The following MARCHF1 variants were observed in gnomAD, a reference collection of about 807,000 sequenced individuals.
MARCHF1 encodes E3 ubiquitin-protein ligase MARCHF1.
In MARCHF1, 40 loss-of-function variants were observed where a neutral mutation model predicts 54.2. The observed-to-expected ratio is 0.74, with a 90% CI of 0.57 to 0.96. The LOEUF (loss-of-function observed/expected upper bound fraction) is 0.96, where lower values mean the gene tolerates loss of function less well. MARCHF1 is among the 40% of genes least tolerant of loss of function. MARCHF1 has a pLI of 0.00. For synonymous variants in MARCHF1, 236 were observed against 236.3 expected, an observed-to-expected ratio of 1.00 and a Z score of 0.01; for missense variants, 586 against 656.5, an observed-to-expected ratio of 0.89 and a Z score of 1.17.
intron 3 of MARCHF1, among the ~76,000 whole-genome samples, chr4:163,928,726 T>G (rs1256427295): frequency 6.6e-6 from 1 of 152,010 alleles, no homozygotes; most frequent in Non-Finnish European, 1.5e-5. Flanking sequence ...AAAAAGTAAT[T>G]TGTAAAGTAA....
At chr4:163,954,925 T>G (rs1752201744) in intron 3 of MARCHF1, among the ~76,000 whole-genome samples, 1 of 152,082 alleles carries the variant, frequency 6.6e-6, no homozygotes, top group Non-Finnish European at 1.5e-5. Flanking sequence ...AACTATAGAC[T>G]GTTTGAAATT....
intron 3 of MARCHF1, among the ~76,000 whole-genome samples, chr4:163,941,835 T>C (rs891634682): frequency 3.9e-5 from 6 of 152,172 alleles, no homozygotes; most frequent in Admixed American, 2.0e-4. Flanking sequence ...GCTATAAAAA[T>C]GTTTTAAAAT....
chr4:164,282,421 C>G (rs146866181), intron 1 of MARCHF1, among the ~76,000 whole-genome samples: 45 of 151,048 alleles, frequency 3.0e-4, no homozygotes, highest in Non-Finnish European at 6.0e-4. Flanking sequence ...CTGGCATGAT[C>G]AAACCAGCAA....
At chr4:164,229,060 T>C (rs753176171) in intron 1 of MARCHF1, among the ~76,000 whole-genome samples, 8 of 152,176 alleles carry the variant, frequency 5.3e-5, no homozygotes, top group Non-Finnish European at 1.2e-4. Flanking sequence ...GACTTTGTGC[T>C]CAAAAAGAAG....
Position 163,819,526 on chromosome 4 carries a change from T to C in MARCHF1, c.111+34495A>G, listed in dbSNP as rs1748634108. On this transcript the variant is annotated intron_variant, in intron 4 of 9. Coordinates refer to ENST00000514618, the MANE Select transcript of MARCHF1 (RefSeq NM_001394959.1). ...AAAACACTTTCTGTAAGCCTTACTTTGTCTCTTTGAAAAACTCTCCAATTC... is the reference window on the plus strand; with the variant it reads ...AAAACACTTTCTGTAAGCCTTACTTCGTCTCTTTGAAAAACTCTCCAATTC... Among the ~76,000 whole-genome samples the C allele has an allele frequency of 1.3e-5, 2 of 152,120 alleles. 1 individual carries two copies. The highest frequency in any genetic ancestry group is 4.1e-4 in the South Asian group (2 of 4,838).
At chr4:164,129,932 A>G (rs1756266127) in intron 1 of MARCHF1, 1 of 152,178 alleles carries the variant, frequency 6.6e-6, no homozygotes, top group African/African-American at 2.4e-5. Flanking sequence ...CATATAAACC[A>G]GAACTTAAAA....
chr4:164,237,650 AGTTT>A (rs1221877252), intron 1 of MARCHF1, among the ~76,000 whole-genome samples: 1 of 151,918 alleles, frequency 6.6e-6, no homozygotes, highest in Admixed American at 6.6e-5. Context: ...TATTCTATTC[AGTTT>A]CTTTTTTAAT....
intron 4 of MARCHF1, among the ~76,000 whole-genome samples, chr4:163,824,571 T>C (rs1315491215): frequency 1.1e-5 from 1 of 94,480 alleles, no homozygotes; most frequent in East Asian, 3.0e-4. Context: ...ATTCAGGACA[T>C]AGGCATGGGC....
chr4:163,872,017 G>C (rs1315651660), intron 3 of MARCHF1, among the ~76,000 whole-genome samples: 1 of 152,158 alleles, frequency 6.6e-6, no homozygotes, highest in Admixed American at 6.5e-5. Context: ...AATTGAAGAA[G>C]CTTAAGAGAA....
intron 4 of MARCHF1, among the ~76,000 whole-genome samples, chr4:163,724,616 AC>A (rs1745593385): frequency 6.6e-6 from 1 of 152,158 alleles, no homozygotes; most frequent in Non-Finnish European, 1.5e-5. Flanking sequence ...GGTGGAGTCT[AC>A]AAAGGCGGGC....
intron 7 of MARCHF1, among the ~76,000 whole-genome samples, chr4:163,606,033 C>G (rs1301199755): frequency 1.3e-5 from 2 of 152,142 alleles, no homozygotes; most frequent in East Asian, 3.9e-4. Context: ...TCTGCACATG[C>G]ATCCCAGAAC....
intron 8 of MARCHF1, among the ~76,000 whole-genome samples, chr4:163,565,360 T>A (rs1429845711): frequency 2.0e-5 from 3 of 152,182 alleles, no homozygotes; most frequent in African/African-American, 7.2e-5. Flanking sequence ...TAAAAGATGA[T>A]TGTGACAAGG....
intron 1 of MARCHF1, among the ~76,000 whole-genome samples, chr4:164,217,703 A>C (rs530320676): frequency 6.6e-6 from 1 of 152,160 alleles, no homozygotes; most frequent in Non-Finnish European, 1.5e-5. Context: ...TTAAAATAGA[A>C]CTCAAGAGGG....
chr4:164,022,948 G>A (rs1180562987), intron 2 of MARCHF1, among the ~76,000 whole-genome samples: 1 of 152,216 alleles, frequency 6.6e-6, no homozygotes, highest in African/African-American at 2.4e-5. Context: ...AATCCTGGGA[G>A]CACTTTCCTG....
chr4:164,138,335 T>C (rs1417577047), intron 1 of MARCHF1, among the ~76,000 whole-genome samples: 2 of 152,010 alleles, frequency 1.3e-5, no homozygotes, highest in Non-Finnish European at 2.9e-5. Flanking sequence ...AGTTTGGCAG[T>C]ATACATACCA....
chr4:163,817,519 C>A (rs1748574430), intron 4 of MARCHF1, among the ~76,000 whole-genome samples: 1 of 151,720 alleles, frequency 6.6e-6, no homozygotes, highest in African/African-American at 2.4e-5. Flanking sequence ...CTTTGGTGTA[C>A]AATTGTTACT....
At chr4:164,295,886 A>G (rs1455972928) in intron 1 of MARCHF1, among the ~76,000 whole-genome samples, 7 of 152,200 alleles carry the variant, frequency 4.6e-5, no homozygotes, top group Non-Finnish European at 4.4e-5. Context: ...AGTTACACTA[A>G]TAAGACTTGT....
rs148976810 is a variant in MARCHF1, at chr4:163,580,721, G to A, written c.1191+5028C>T. Among the ~76,000 whole-genome samples the A allele has an allele frequency of 3.6e-3, 543 of 152,214 alleles. 4 individuals carry two copies. The highest frequency in any genetic ancestry group is 0.012 in the African/African-American group (507 of 41,544). Reference sequence around the variant, plus strand: ...TAAAATATTATTGTTTAAGAAAGAAGACTTCAGAAAAATTTTTGTTTTAGA... The same window carrying A: ...TAAAATATTATTGTTTAAGAAAGAAAACTTCAGAAAAATTTTTGTTTTAGA... On this transcript the variant is annotated intron_variant, in intron 8 of 9. Transcript: ENST00000514618.
At chr4:163,868,202 A>G (rs1750096491) in intron 3 of MARCHF1, among the ~76,000 whole-genome samples, 4 of 151,982 alleles carry the variant, frequency 2.6e-5, no homozygotes, top group Admixed American at 2.6e-4. Context: ...AATATCAAAT[A>G]TCAATATCAA....
Sources: gnomAD v4.1 joint callset for allele counts (sites outside exome capture counted in the v4.1 genomes callset) on GRCh38, gnomAD v4.1.1 for gene constraint, MANE v1.5 for transcripts, NCBI Gene and HGNC (gene_info 2026-07-23, HGNC 2026-07-21) for gene names.